The following CTDSP2 variants were observed in gnomAD, a reference collection of about 807,000 sequenced individuals.
The protein encoded by CTDSP2 is carboxy-terminal domain RNA polymerase II polypeptide A small phosphatase 2.
A neutral mutation model predicts 31.6 loss-of-function variants in CTDSP2; 9 were observed. The observed-to-expected ratio is 0.28, with a 90% CI of 0.17 to 0.50. CTDSP2 has a LOEUF of 0.50. Ranked by LOEUF, CTDSP2 falls within the 20% of genes least tolerant of loss-of-function variation. The pLI is 0.98. For missense variants in CTDSP2, 267 were observed against 348.5 expected (o/e 0.77, Z 1.86); for synonymous variants, 134 against 134.5 (o/e 1.00, Z 0.03).
Position 57,823,314 on chromosome 12 carries a change from ACACTATACACT to A in CTDSP2, c.*277_*287del. On this transcript the variant is annotated 3_prime_UTR_variant, in exon 8 of 8. Transcript: ENST00000398073. Reference sequence around the variant, plus strand: ...GTCTTTCAGCTTCTCCCCCACTGAAACACTATACACTGGGGCCACAGTTCATGGCAAAACAC... The same window carrying A: ...GTCTTTCAGCTTCTCCCCCACTGAAAGGGGCCACAGTTCATGGCAAAACAC... 2.3e-6 allele frequency: 1 copy of A among 433,016 alleles called. No homozygotes were observed. Among genetic ancestry groups the A allele is most frequent in the Non-Finnish European group, 4.3e-6 (1 of 232,950 alleles). The allele number at this position is 433,016 out of a possible 1,614,324, so 26.8% of individuals were successfully genotyped here.
chr12:57,821,935 C>T lies in CTDSP2; in HGVS notation c.*1667G>A, dbSNP rs955229859. ...AGCTGCTGCTCTACTACCTGCTTTT[C>T]TCAAAACTTGTTAGTTCCTGAGGCT... is the stretch of plus-strand genomic sequence containing the variant. On this transcript the variant is annotated 3_prime_UTR_variant, in exon 8 of 8. Transcript: ENST00000398073. 2 of 152,268 alleles carry T rather than the reference C, an allele frequency of 1.3e-5. No homozygotes were observed. The highest frequency in any genetic ancestry group is 4.8e-5 in the African/African-American group (2 of 41,470). The allele number at this position is 152,268 out of a possible 1,614,324, so 9.4% of individuals were successfully genotyped here.
chr12:57,825,955 G>A (rs905206299), intron 5 of CTDSP2, among the ~76,000 whole-genome samples: 9 of 152,132 alleles, frequency 5.9e-5, no homozygotes, highest in African/African-American at 2.2e-4. Context: ...AGAGATACCT[G>A]GTTAAGGTAT....
chr12:57,823,494 C>T lies in CTDSP2; in HGVS notation c.*108G>A, dbSNP rs538334542. Reference sequence around the variant, plus strand: ...CTTTCCAGTTACTTCCCGCTGTTTCCGGGCCGTGTGGTGAGGCACTCCAGC... The same window carrying T: ...CTTTCCAGTTACTTCCCGCTGTTTCTGGGCCGTGTGGTGAGGCACTCCAGC... On this transcript the variant is annotated 3_prime_UTR_variant, in exon 8 of 8. Coordinates refer to ENST00000398073, the MANE Select transcript of CTDSP2 (RefSeq NM_005730.4). 2.4e-4 allele frequency: 322 copies of T among 1,320,930 alleles called. No homozygotes were observed. Among genetic ancestry groups the T allele is most frequent in the Admixed American group, 1.2e-3 (60 of 48,020 alleles). 81.8% of individuals were successfully genotyped at this position (1,320,930 alleles called of 1,614,324 possible).
In CTDSP2 at chr12:57,824,266, T is replaced by A. The variant is rs772806247; in HGVS notation, c.465A>T (p.Glu155Asp). 1.8e-5 allele frequency: 29 copies of A among 1,613,880 alleles called. No individual in the cohort carries two copies. The highest frequency in any genetic ancestry group is 1.9e-5 in the Non-Finnish European group (23 of 1,179,958). The change falls in exon 6 of 8, where the codon GAA becomes GAT. Residue 155 changes from glutamate (E) to aspartate (D), a missense_variant. By Grantham distance (45) the Glu-to-Asp change is conservative. Around this residue, in one of 2 missense-constraint regions of CTDSP2, gnomAD observed 156 missense variants for 241.3 expected, o/e 0.65. Transcript: ENST00000398073. ...YVDEFLRRMG[E>D]LFECVLFTAS... ...CAGTGAAGAGAACACATTCAAAGAG[T>A]TCCCCCATGCGTCTCAGGAACTCAT...
intron 1 of CTDSP2, among the ~76,000 whole-genome samples, chr12:57,832,777 G>A (rs564710640): frequency 4.0e-4 from 42 of 105,300 alleles, no homozygotes; most frequent in Admixed American, 2.4e-3. Context: ...GGGCAACAGA[G>A]CGAGACTCTG....
intron 1 of CTDSP2, chr12:57,842,273 T>C (rs1956286930): frequency 6.6e-6 from 1 of 152,230 alleles, no homozygotes; most frequent in Non-Finnish European, 1.5e-5. Flanking sequence ...GGAGCATCAA[T>C]TCACGTTGGC....
Position 57,824,081 on chromosome 12 carries a change from G to A in CTDSP2, c.513C>T (p.Asp171=), listed in dbSNP as rs1956167246. 1 of 1,613,898 alleles carries A rather than the reference G, an allele frequency of 6.2e-7. No homozygotes were observed. Among genetic ancestry groups the A allele is most frequent in the Non-Finnish European group, 8.5e-7 (1 of 1,179,984 alleles). The stretch of plus-strand genomic sequence containing the variant: ...ACCGGTCCAGCAGGTCTGTCACAGG[G>A]TCGGCATACTAGGAGGAGAGAAGAT... ...LFTASLAKYA[D]PVTDLLDRCG... The change falls in exon 7 of 8, where the codon GAC becomes GAT. Residue 171 remains aspartate, a synonymous_variant. Transcript: ENST00000398073.
intron 1 of CTDSP2, among the ~76,000 whole-genome samples, chr12:57,839,913 T>C (rs1565848924): frequency 6.6e-6 from 1 of 152,130 alleles, no homozygotes; most frequent in Non-Finnish European, 1.5e-5. Context: ...CTAGGAATAG[T>C]ACCTTGCCTA....
intron 1 of CTDSP2, among the ~76,000 whole-genome samples, chr12:57,839,581 G>T (rs1956269680): frequency 6.6e-6 from 1 of 152,102 alleles, no homozygotes; most frequent in Non-Finnish European, 1.5e-5. Context: ...AGCCGGGCGT[G>T]GTGGCGGGCG....
At chr12:57,846,178 G>A (rs967960923) in intron 1 of CTDSP2, among the ~76,000 whole-genome samples, 194 bp downstream of exon 1, 1 of 152,198 alleles carries the variant, frequency 6.6e-6, no homozygotes, top group Non-Finnish European at 1.5e-5. Flanking sequence ...CCGCTCGGGC[G>A]CCGGGATCCC....
At chr12:57,834,196 T>C (rs1287740484) in intron 1 of CTDSP2, among the ~76,000 whole-genome samples, 1 of 152,060 alleles carries the variant, frequency 6.6e-6, no homozygotes, top group Non-Finnish European at 1.5e-5. Flanking sequence ...AAGAGTCTCA[T>C]TCTGTTGCCC....
In CTDSP2 at chr12:57,846,408, C is replaced by G; in HGVS notation, c.28G>C (p.Ala10Pro). The G allele has an allele frequency of 6.2e-7, 1 of 1,608,488 alleles. No individual in the cohort carries two copies. The highest frequency in any genetic ancestry group is 8.5e-7 in the Non-Finnish European group (1 of 1,177,728). MEHGSIITQ[A>P]RREDALVLTK... Reference sequence around the variant, plus strand: ...AGCACCAGGGCGTCTTCCCTCCGCGCCTGGGTGATGATGGAGCCGTGTTCC... The same window carrying G: ...AGCACCAGGGCGTCTTCCCTCCGCGGCTGGGTGATGATGGAGCCGTGTTCC... The change falls in exon 1 of 8, where the codon GCG becomes CCG. Residue 10 changes from alanine to proline, a missense_variant. By Grantham distance (27) the Ala-to-Pro change is conservative (BLOSUM62 -1). Around this residue, in one of 2 missense-constraint regions of CTDSP2, gnomAD observed 111 missense variants for 107.1 expected, o/e 1.04. Transcript: ENST00000398073.
At chr12:57,829,328 T>C in intron 2 of CTDSP2, 120 bp downstream of exon 2, 2 of 1,187,056 alleles carry the variant, frequency 1.7e-6, no homozygotes, top group African/African-American at 1.5e-5. Flanking sequence ...AAGGGCCCCC[T>C]CTCAGCCAGA....
At chr12:57,840,540 G>A (rs923769571) in intron 1 of CTDSP2, among the ~76,000 whole-genome samples, 13 of 152,098 alleles carry the variant, frequency 8.5e-5, no homozygotes, top group South Asian at 2.1e-4. Context: ...ATTCTGCTGC[G>A]GGAACAGAAA....
chr12:57,841,469 A>C (rs1314336266), intron 1 of CTDSP2, among the ~76,000 whole-genome samples: 2 of 152,206 alleles, frequency 1.3e-5, no homozygotes, highest in Non-Finnish European at 2.9e-5. Context: ...ATATTTGAGA[A>C]CCTCTAAGGA....
At chr12:57,827,614 A>AC in intron 2 of CTDSP2, 24 bp from the exon 3 acceptor site, 2 of 1,611,542 alleles carry the variant, frequency 1.2e-6, no homozygotes, top group Non-Finnish European at 1.7e-6. Flanking sequence ...GGAGGTGGTC[A>AC]GTGCCATCTC....
chr12:57,840,581 G>T (rs1956276723), intron 1 of CTDSP2, among the ~76,000 whole-genome samples: 1 of 152,134 alleles, frequency 6.6e-6, no homozygotes, highest in African/African-American at 2.4e-5. Flanking sequence ...GAAGCCTTCC[G>T]CAGGCAATTT....
intron 1 of CTDSP2, among the ~76,000 whole-genome samples, chr12:57,836,031 G>C (rs544716753): frequency 3.9e-5 from 6 of 152,270 alleles, no homozygotes; most frequent in South Asian, 4.1e-4. Context: ...TCCAAGGGGA[G>C]ATGACCACTA....
At position 57,846,063 on chromosome 12, in the gene CTDSP2, G is replaced by T. The variant is rs552264754; in HGVS notation, c.64+309C>A. On this transcript the variant is annotated intron_variant, in intron 1 of 7. Coordinates refer to ENST00000398073, the MANE Select transcript of CTDSP2 (RefSeq NM_005730.4). The stretch of plus-strand genomic sequence containing the variant: ...GACCCCACCCCCAACTCCGGAGGCG[G>T]TGGACGCGGAGTGGCCCAGTGCTTC... Among the ~76,000 whole-genome samples, 343 of 152,318 alleles carry T rather than the reference G, an allele frequency of 2.3e-3. 2 individuals carry two copies. Among genetic ancestry groups the T allele is most frequent in the African/African-American group, 7.5e-3 (311 of 41,578 alleles).
Sources: allele counts gnomAD v4.1 joint callset (sites outside exome capture counted in the v4.1 genomes callset), GRCh38; gene constraint gnomAD v4.1.1; regional missense constraint gnomAD v4.1.1; transcripts MANE v1.5; gene names NCBI Gene and HGNC (gene_info 2026-07-23, HGNC 2026-07-21).